The following DCAF5 variants were observed in gnomAD, a reference collection of about 807,000 sequenced individuals.
DCAF5 encodes DDB1- and CUL4-associated factor 5.
A neutral mutation model predicts 80.7 loss-of-function variants in DCAF5; 9 were observed. The observed-to-expected ratio is 0.11, with a 90% CI of 0.07 to 0.19. The LOEUF (loss-of-function observed/expected upper bound fraction) is 0.19. DCAF5 is among the 10% of genes least tolerant of loss of function. The pLI is 1.00. For missense variants in DCAF5, 842 were observed against 1,205.7 expected (o/e 0.70, Z 4.47); for synonymous variants, 433 against 461.9 (o/e 0.94, Z 0.80).
At chr14:69,122,942 G>T (rs1470089626) in intron 1 of DCAF5, among the ~76,000 whole-genome samples, 2 of 152,112 alleles carry the variant, frequency 1.3e-5, no homozygotes, top group Admixed American at 6.5e-5. Flanking sequence ...TAAGTTGGTT[G>T]TTATTGTTTT....
intron 6 of DCAF5, chr14:69,083,591 C>A: frequency 2.0e-6 from 1 of 496,632 alleles, no homozygotes; most frequent in South Asian, 2.0e-5. Context: ...GTGGGCTTAT[C>A]AGATGCTCAA....
At chr14:69,144,499 G>A (rs2041475459) in intron 1 of DCAF5, among the ~76,000 whole-genome samples, 1 of 152,018 alleles carries the variant, frequency 6.6e-6, no homozygotes, top group Non-Finnish European at 1.5e-5. Context: ...ATGAACCTGG[G>A]AGGTGGAGCT....
chr14:69,148,108 A>G (rs1439465691), intron 1 of DCAF5, among the ~76,000 whole-genome samples: 2 of 151,952 alleles, frequency 1.3e-5, no homozygotes, highest in African/African-American at 4.8e-5. Flanking sequence ...TTCGCAAAAA[A>G]AAAAAAAAAA....
In DCAF5 at chr14:69,118,403, C is replaced by CA; in HGVS notation, c.396-126dup. 5 of 944,382 alleles carry CA rather than the reference C, an allele frequency of 5.3e-6. No individual in the cohort carries two copies. The South Asian group carries it at 1.4e-4, about 26-fold the overall frequency. The allele number at this position is 944,382 out of a possible 1,614,324, so 58.5% of individuals were successfully genotyped here. ...AGAAGAAAGTCAACCTAGCTAAACC[C>CA]AAAAAATATTATATTTCCTGAAAGG... On this transcript the variant is annotated intron_variant, in intron 3 of 8. Coordinates refer to ENST00000341516, the MANE Select transcript of DCAF5 (RefSeq NM_003861.3). The surrounding 1 kb of genome is among the most constrained non-coding windows in gnomAD (Gnocchi z 4.0).
At chr14:69,116,637 C>G in intron 4 of DCAF5, 142 bp from the exon 5 acceptor site, 1 of 883,852 alleles carries the variant, frequency 1.1e-6, no homozygotes, top group Non-Finnish European at 1.7e-6. Context: ...GCACATAATC[C>G]CACCAGTCAC....
chr14:69,056,044 A>G (rs2037958199), intron 8 of DCAF5, among the ~76,000 whole-genome samples: 1 of 152,202 alleles, frequency 6.6e-6, no homozygotes, highest in South Asian at 2.1e-4. Flanking sequence ...CTGTGCACAG[A>G]GAGGTACCAC....
intron 1 of DCAF5, among the ~76,000 whole-genome samples, chr14:69,144,368 C>G (rs1361090583): frequency 6.6e-6 from 1 of 152,008 alleles, no homozygotes; most frequent in Non-Finnish European, 1.5e-5. Context: ...GTCGGGACAT[C>G]GAGACCATCC....
At chr14:69,108,386 T>TG (rs1168613525) in intron 5 of DCAF5, among the ~76,000 whole-genome samples, 1 of 152,044 alleles carries the variant, frequency 6.6e-6, no homozygotes, top group African/African-American at 2.4e-5. Context: ...ATCCTCTATG[T>TG]GTATGTGTTT....
At position 69,054,901 on chromosome 14, in the gene DCAF5, T is replaced by C; in HGVS notation, c.1785A>G (p.Arg595=). 6.2e-7 allele frequency: 1 copy of C among 1,614,202 alleles called. No homozygotes were observed. The highest frequency in any genetic ancestry group is 8.5e-7 in the Non-Finnish European group (1 of 1,180,030). ...TGATTGGGGCACTGGGCTTGTCTTC[T>C]CGGGTTGTCTTCTGTCGGCGCCGCA... The part of the protein sequence containing the change: ...NAMRRRQKTT[R]EDKPSAPIKP... The change falls in exon 9 of 9, where the codon CGA becomes CGG. Residue 595 remains arginine (R), a synonymous_variant. Coordinates refer to ENST00000341516, the MANE Select transcript of DCAF5 (RefSeq NM_003861.3).
intron 5 of DCAF5, among the ~76,000 whole-genome samples, chr14:69,113,211 G>T (rs1465351568): frequency 6.6e-6 from 1 of 151,988 alleles, no homozygotes; most frequent in Non-Finnish European, 1.5e-5. Flanking sequence ...AGGTGTTCAG[G>T]GTGAGACCTT....
At position 69,093,283 on chromosome 14, in the gene DCAF5, C is replaced by T. The variant is rs1426411974; in HGVS notation, c.666-1396G>A. The stretch of plus-strand genomic sequence containing the variant: ...TGTAGACACAAGTGCCACATCAGAA[C>T]TCACTCTGTCTCATGCAGACATTAT... On this transcript the variant is annotated intron_variant, in intron 5 of 8. Coordinates refer to ENST00000341516, the MANE Select transcript of DCAF5 (RefSeq NM_003861.3). Among the ~76,000 whole-genome samples, 6 of 152,152 alleles carry T rather than the reference C, an allele frequency of 3.9e-5. No individual in the cohort carries two copies. In the East Asian group the frequency reaches 1.2e-3, roughly 29 times the overall value.
In DCAF5 at chr14:69,092,651, G is replaced by A. The variant is rs551759203; in HGVS notation, c.666-764C>T. 4.6e-5 allele frequency among the ~76,000 whole-genome samples: 7 copies of A among 152,166 alleles called. No homozygotes were observed. The East Asian group carries it at 5.8e-4, about 13-fold the overall frequency. ...GAACAATAGAAACTTGTTTATAATC[G>A]ATAATTTGTCAATCATAATCATTTC... On this transcript the variant is annotated intron_variant, in intron 5 of 8. Coordinates refer to ENST00000341516, the MANE Select transcript of DCAF5 (RefSeq NM_003861.3).
chr14:69,113,218 C>A (rs769415839), intron 5 of DCAF5, among the ~76,000 whole-genome samples: 26 of 152,108 alleles, frequency 1.7e-4, no homozygotes, highest in African/African-American at 4.1e-4. Flanking sequence ...CAGGGTGAGA[C>A]CTTCATCACT....
intron 6 of DCAF5, among the ~76,000 whole-genome samples, chr14:69,083,099 A>G (rs2039179126): frequency 6.6e-6 from 1 of 152,236 alleles, no homozygotes; most frequent in Non-Finnish European, 1.5e-5. Context: ...TTAAGCTTTT[A>G]AGTTCTAAAA....
chr14:69,121,476 G>A (rs1162147444), intron 2 of DCAF5, among the ~76,000 whole-genome samples: 1 of 152,188 alleles, frequency 6.6e-6, no homozygotes, highest in East Asian at 1.9e-4. Flanking sequence ...AGTTGAAAAT[G>A]GTTAATTGTC....
chr14:69,119,374 AT>A (rs1699614397), intron 2 of DCAF5, 144 bp from the exon 3 acceptor site: 4 of 744,766 alleles, frequency 5.4e-6, no homozygotes, highest in Middle Eastern at 5.1e-4. Flanking sequence ...TGGAAAAAAG[AT>A]TTATAGAAAT....
chr14:69,101,258 G>C (rs1221140899), intron 5 of DCAF5, among the ~76,000 whole-genome samples: 2 of 152,228 alleles, frequency 1.3e-5, no homozygotes, highest in Non-Finnish European at 2.9e-5. Flanking sequence ...ATCAGGGCCA[G>C]AAGGATTCAT....
chr14:69,090,129 G>T (rs971376191), intron 6 of DCAF5: 2 of 983,936 alleles, frequency 2.0e-6, no homozygotes, highest in African/African-American at 3.5e-5. Context: ...AGAATTACAT[G>T]CATAAGAAGT....
chr14:69,097,307 G>A (rs1478576243), intron 5 of DCAF5, among the ~76,000 whole-genome samples: 1 of 152,130 alleles, frequency 6.6e-6, no homozygotes, highest in Non-Finnish European at 1.5e-5. Context: ...GTTTCATACA[G>A]GAGCCACTCA....
Sources: allele counts gnomAD v4.1 joint callset (sites outside exome capture counted in the v4.1 genomes callset), GRCh38; gene constraint gnomAD v4.1.1; non-coding constraint Gnocchi (gnomAD v3.1); transcripts MANE v1.5; gene names NCBI Gene and HGNC (gene_info 2026-07-23, HGNC 2026-07-21).